APBB2: variants seen among roughly 807,000 people sequenced by gnomAD.
APBB2 encodes the protein amyloid beta precursor protein binding family B member 2.
A neutral mutation model predicts 82.5 loss-of-function variants in APBB2; 38 were observed. The ratio of observed to expected loss-of-function variants is 0.46; its 90% CI spans 0.36 to 0.60. The LOEUF (loss-of-function observed/expected upper bound fraction) is 0.60, where lower values mean the gene tolerates loss of function less well. Ranked by LOEUF, APBB2 falls within the 20% of genes least tolerant of loss-of-function variation. The probability of loss-of-function intolerance (pLI) is 0.00; values close to 1 mark genes in which losing one functional copy is unlikely to be tolerated. For missense variants in APBB2, 772 were observed against 972.3 expected, an observed-to-expected ratio of 0.79 and a Z score of 2.74; for synonymous variants, 341 against 368.2, an observed-to-expected ratio of 0.93 and a Z score of 0.85.
chr4:40,882,062 G>A (rs933612588), intron 12 of APBB2, among the ~76,000 whole-genome samples: 7 of 152,148 alleles, frequency 4.6e-5, no homozygotes, highest in Non-Finnish European at 8.8e-5. Context: ...TTCAGTCAGC[G>A]CTAATTCAAT....
At chr4:40,964,745 A>G (rs928792503) in intron 6 of APBB2, among the ~76,000 whole-genome samples, 1 of 8,464 alleles carries the variant, frequency 1.2e-4, no homozygotes, top group African/African-American at 1.8e-4. Flanking sequence ...GAAAATACCC[A>G]TTGAATAAAC....
At chr4:41,125,541 C>T (rs1018323119) in intron 2 of APBB2, among the ~76,000 whole-genome samples, 3 of 151,926 alleles carry the variant, frequency 2.0e-5, no homozygotes, top group African/African-American at 7.3e-5. Context: ...CGAAAAAAAA[C>T]AAAATTTACT....
intron 2 of APBB2, chr4:41,118,175 C>T (rs994415806): frequency 1.3e-5 from 2 of 152,146 alleles, no homozygotes; most frequent in East Asian, 1.9e-4. Context: ...GATTGTACCA[C>T]GCACTCCAGC....
chr4:41,008,270 G>A (rs1376847938), intron 6 of APBB2, among the ~76,000 whole-genome samples: 3 of 152,206 alleles, frequency 2.0e-5, no homozygotes, highest in Non-Finnish European at 4.4e-5. Flanking sequence ...GAATCTCAGT[G>A]TGCCTTCCCC....
At chr4:41,195,859 C>T in intron 1 of APBB2, among the ~76,000 whole-genome samples, 7 of 152,154 alleles carry the variant, frequency 4.6e-5, no homozygotes, top group South Asian at 2.1e-4. Context: ...GTCCTCTCCT[C>T]GATTTAAAAA....
At chr4:40,816,579 AGT>A (rs1409878214) in intron 17 of APBB2, among the ~76,000 whole-genome samples, 2 of 152,300 alleles carry the variant, frequency 1.3e-5, no homozygotes, top group South Asian at 2.1e-4. Context: ...ATTGGGAGAG[AGT>A]GTGTTAATTA....
chr4:41,193,346 C>A (rs1774991118), intron 1 of APBB2, among the ~76,000 whole-genome samples: 1 of 152,136 alleles, frequency 6.6e-6, no homozygotes, highest in African/African-American at 2.4e-5. Context: ...TCCTATAAGC[C>A]CCACAACAAC....
chr4:41,115,685 A>C (rs187869184), intron 2 of APBB2, among the ~76,000 whole-genome samples: 13 of 152,370 alleles, frequency 8.5e-5, no homozygotes, highest in Admixed American at 8.5e-4. Flanking sequence ...AAAAGAAAAC[A>C]TTTATGCAGC....
chr4:41,208,139 G>C (rs1778413645), intron 1 of APBB2, among the ~76,000 whole-genome samples: 1 of 152,198 alleles, frequency 6.6e-6, no homozygotes, highest in Non-Finnish European at 1.5e-5. Flanking sequence ...CATACCTCCA[G>C]TAATGCCAGG....
At chr4:41,181,848 A>T (rs1382069442) in intron 1 of APBB2, among the ~76,000 whole-genome samples, 5 of 150,392 alleles carry the variant, frequency 3.3e-5, no homozygotes, top group Non-Finnish European at 4.4e-5. Flanking sequence ...CAGGAGGCTG[A>T]GGCAGAAGAA....
At chr4:41,084,288 G>A (rs995380773) in intron 3 of APBB2, among the ~76,000 whole-genome samples, 15 of 152,260 alleles carry the variant, frequency 9.9e-5, no homozygotes, top group Admixed American at 7.8e-4. Flanking sequence ...ACCAGGCATG[G>A]TGGCACATGC....
At chr4:41,015,969 T>C (rs1034382648) in intron 5 of APBB2, among the ~76,000 whole-genome samples, 18 of 152,248 alleles carry the variant, frequency 1.2e-4, no homozygotes, top group Non-Finnish European at 1.8e-4. Flanking sequence ...ACAACTATTA[T>C]ACCATTTTAT....
chr4:40,949,192 C>T (rs1435850683), intron 6 of APBB2, among the ~76,000 whole-genome samples: 2 of 151,698 alleles, frequency 1.3e-5, no homozygotes, highest in East Asian at 3.9e-4. Context: ...TTGCTTGAAC[C>T]CGGGAGGTGG....
chr4:41,064,806 C>T (rs1471890698), intron 4 of APBB2, among the ~76,000 whole-genome samples: 2 of 152,296 alleles, frequency 1.3e-5, no homozygotes, highest in Non-Finnish European at 2.9e-5. Flanking sequence ...GGAACTCCCT[C>T]CCTAATACAT....
intron 6 of APBB2, among the ~76,000 whole-genome samples, chr4:40,959,475 G>T (rs1373370254): frequency 4.6e-5 from 7 of 152,132 alleles, no homozygotes; most frequent in Admixed American, 4.6e-4. Context: ...ATCACAAAAT[G>T]GAAGCTATTT....
intron 12 of APBB2, among the ~76,000 whole-genome samples, chr4:40,869,221 A>G (rs1764803870): frequency 6.6e-6 from 1 of 152,142 alleles, no homozygotes; most frequent in Non-Finnish European, 1.5e-5. Context: ...AGTGTATCCA[A>G]TTTTAAAGCT....
rs569435594 is a variant in APBB2, at chr4:40,870,392, G to A, written c.1529+19972C>T. Among the ~76,000 whole-genome samples, 23 of 152,256 alleles carry A rather than the reference G, an allele frequency of 1.5e-4. 1 individual carries two copies. The highest frequency in any genetic ancestry group is 2.6e-4 in the African/African-American group (11 of 41,554). On this transcript the variant is annotated intron_variant, in intron 12 of 17. Coordinates refer to ENST00000508593, the MANE Select transcript of APBB2 (RefSeq NM_004307.2). ...TAATATCTTACAACCAAGCTGCATC[G>A]GGGTTCCAAAGCTTCCATCTCTACA...
intron 12 of APBB2, among the ~76,000 whole-genome samples, chr4:40,879,168 T>C (rs1767697933): frequency 2.5e-5 from 3 of 121,396 alleles, no homozygotes; most frequent in Admixed American, 2.4e-4. Flanking sequence ...ACTGTCTTCT[T>C]ATCTTAAGAG....
intron 10 of APBB2, among the ~76,000 whole-genome samples, chr4:40,921,663 G>T (rs1781291070): frequency 1.3e-5 from 2 of 152,214 alleles, no homozygotes; most frequent in Non-Finnish European, 2.9e-5. Flanking sequence ...CTGCATTGGT[G>T]AAGAGGAGAA....
Sources: gnomAD v4.1 joint callset for allele counts (sites outside exome capture counted in the v4.1 genomes callset) on GRCh38, gnomAD v4.1.1 for gene constraint, MANE v1.5 for transcripts, NCBI Gene and HGNC (gene_info 2026-07-23, HGNC 2026-07-21) for gene names.